Variants in LETM1 observed in about 807,000 individuals in gnomAD.
The protein encoded by LETM1 is mitochondrial proton/calcium exchanger protein.
Under a neutral mutation model 74.5 loss-of-function variants are expected in LETM1, and 50 were observed. The ratio of observed to expected loss-of-function variants is 0.67; its 90% CI spans 0.53 to 0.85. The LOEUF is 0.85. LETM1 is among the 40% of genes least tolerant of loss of function. LETM1 has a pLI of 0.00. For synonymous variants in LETM1, 446 were observed against 407.1 expected (o/e 1.10, Z -1.15); for missense variants, 824 against 967.8 (o/e 0.85, Z 1.97).
intron 7 of LETM1, among the ~76,000 whole-genome samples, 181 bp downstream of exon 7, chr4:1,825,383 G>A (rs892592493): frequency 6.6e-6 from 1 of 152,262 alleles, no homozygotes; most frequent in Non-Finnish European, 1.5e-5. Context: ...ATGCAGGGGT[G>A]TGAGTGCGGT....
chr4:1,854,912 T>G (rs1261899605), intron 1 of LETM1, among the ~76,000 whole-genome samples: 2 of 150,664 alleles, frequency 1.3e-5, no homozygotes, highest in Non-Finnish European at 3.0e-5. Flanking sequence ...GCTGGGTGCC[T>G]GGGCATGGTG....
rs894669104 is a variant in LETM1 at position 1,816,860 on chromosome 4, C to T, written c.1798G>A (p.Glu600Lys). The part of the protein sequence containing the change: ...LSKTGEEKYV[E>K]ESKASKRLTK... Reference sequence around the variant, plus strand: ...AATCTCTTGCTGGCTTTAGATTCTTCCACGTACTTTTCTTCACCAGTCTTT... The same window carrying T: ...AATCTCTTGCTGGCTTTAGATTCTTTCACGTACTTTTCTTCACCAGTCTTT... The change falls in exon 12 of 14, where the codon GAA becomes AAA. Residue 600 changes from glutamate to lysine, a missense_variant. By Grantham distance (56) the Glu-to-Lys change is moderately conservative. This residue lies in a region of LETM1 where 161 missense variants were observed against 252.7 expected (regional missense o/e 0.64). Coordinates refer to ENST00000302787, the MANE Select transcript of LETM1 (RefSeq NM_012318.3). 1 of 1,613,962 alleles carries T rather than the reference C, an allele frequency of 6.2e-7. No individual in the cohort carries two copies. The highest frequency in any genetic ancestry group is 8.5e-7 in the Non-Finnish European group (1 of 1,179,930).
In LETM1 at chr4:1,836,172, C is replaced by T. The variant is rs948938867; in HGVS notation, c.738+257G>A. 5.9e-5 allele frequency among the ~76,000 whole-genome samples: 9 copies of T among 152,046 alleles called. No homozygotes were observed. The highest frequency in any genetic ancestry group is 2.2e-4 in the African/African-American group (9 of 41,392). On this transcript the variant is annotated intron_variant, in intron 4 of 13. Transcript: ENST00000302787. The surrounding 1 kb of genome is among the most constrained non-coding windows in gnomAD (Gnocchi z 5.8). The stretch of plus-strand genomic sequence containing the variant: ...GAGGTTGTATGCAGTGAGACAAGAT[C>T]GCACTGCTGCACTCCAGCCTGGGTG...
At chr4:1,844,091 G>A (rs1455105338) in intron 2 of LETM1, among the ~76,000 whole-genome samples, 1 of 152,210 alleles carries the variant, frequency 6.6e-6, no homozygotes, top group African/African-American at 2.4e-5. Context: ...GTGTCGACAG[G>A]CAAAGACGAA....
At position 1,841,713 on chromosome 4, in the gene LETM1, C is replaced by T. The variant is rs759099377; in HGVS notation, c.228G>A (p.Arg76=). The change falls in exon 3 of 14, where the codon AGG becomes AGA. Residue 76 remains arginine (R), a synonymous_variant. Coordinates refer to ENST00000302787, the MANE Select transcript of LETM1 (RefSeq NM_012318.3). ...TCGACACTATGCGAAGGCACTCGGG[C>T]CTCAGAGCCCAACAGCCGAGGTGAT... The part of the protein sequence containing the change: ...RGDHLGCWAL[R]PECLRIVSRA... 9 of 1,614,076 alleles carry T rather than the reference C, an allele frequency of 5.6e-6. No individual in the cohort carries two copies. The highest frequency in any genetic ancestry group is 5.3e-5 in the African/African-American group (4 of 74,936).
Position 1,849,227 on chromosome 4 carries a change from G to T in LETM1, c.83-18C>A. The T allele has an allele frequency of 6.4e-7, 1 of 1,573,970 alleles. No homozygotes were observed. Among genetic ancestry groups the T allele is most frequent in the Non-Finnish European group, 8.7e-7 (1 of 1,143,678 alleles). On this transcript the variant is annotated intron_variant, in intron 1 of 13. Coordinates refer to ENST00000302787, the MANE Select transcript of LETM1 (RefSeq NM_012318.3). The stretch of plus-strand genomic sequence containing the variant: ...TGGACTACCTGTAACAGGAACAGGG[G>T]AAAATAAATGAGTAGTAAATCAGGG...
chr4:1,849,272 T>G (rs1712988781), intron 1 of LETM1, 63 bp from the exon 2 acceptor site: 3 of 1,261,592 alleles, frequency 2.4e-6, no homozygotes, highest in Non-Finnish European at 3.5e-6. Context: ...GATACCTTTT[T>G]TTGTTGTTGG....
At position 1,815,657 on chromosome 4, in the gene LETM1, G is replaced by T. The variant is rs1711548412; in HGVS notation, c.2070+7C>A. On this transcript the variant is annotated splice_region_variant and intron_variant, in intron 13 of 13. Transcript: ENST00000302787. ...GGATGGCCTGCGTGGTCCCCAGCGA[G>T]GCCCACCTTGACGAGGTCGTCGATG... 6.2e-7 allele frequency: 1 copy of T among 1,613,880 alleles called. No homozygotes were observed. The highest frequency in any genetic ancestry group is 1.3e-5 in the African/African-American group (1 of 74,928).
At position 1,841,668 on chromosome 4, in the gene LETM1, G is replaced by A. The variant is rs1464642166; in HGVS notation, c.273C>T (p.Thr91=). 1 of 1,614,134 alleles carries A rather than the reference G, an allele frequency of 6.2e-7. No individual in the cohort carries two copies. The highest frequency in any genetic ancestry group is 1.7e-5 in the Admixed American group (1 of 60,012). Residue 91 remains threonine (T), a synonymous_variant, in exon 3 of 14, where the codon ACC becomes ACT. Transcript: ENST00000302787. ...GTCCCACAGCCACAAAACCCACAGA[G>A]GTAGAGGTCCATGGCGCTCTCGACA... ...RIVSRAPWTS[T]SVGFVAVGPQ... is the part of the protein sequence containing the mutation.
At chr4:1,827,628 C>T (rs987671040) in intron 6 of LETM1, among the ~76,000 whole-genome samples, 1 of 133,218 alleles carries the variant, frequency 7.5e-6, no homozygotes, top group Non-Finnish European at 1.6e-5. Context: ...TCAACAGGAT[C>T]CCAAGGCAGA....
In LETM1 at chr4:1,823,078, G is replaced by A; in HGVS notation, c.1386C>T (p.Asn462=). The change falls in exon 9 of 14, where the codon AAC becomes AAT. Residue 462 remains asparagine (N), a synonymous_variant. Coordinates refer to ENST00000302787, the MANE Select transcript of LETM1 (RefSeq NM_012318.3). ...GCAGCGTGGCCTCCAGCTTGGCCTT[G>A]TTGTCCACCTGCTCGCCCTCCACCT... The part of the protein sequence containing the change: ...VAEVEGEQVD[N]KAKLEATLQE... The A allele has an allele frequency of 6.2e-7, 1 of 1,610,358 alleles. No individual in the cohort carries two copies.
chr4:1,823,335 CAT>C lies in LETM1; in HGVS notation c.1333-206_1333-205del, dbSNP rs534360447. On this transcript the variant is annotated intron_variant, in intron 8 of 13. Coordinates refer to ENST00000302787, the MANE Select transcript of LETM1 (RefSeq NM_012318.3). ...TCTGCGCTCGCCCGATGACTCCTGA[CAT>C]GTGGGAAGGAGCATAGGCGCTGCTG... Among the ~76,000 whole-genome samples the C allele has an allele frequency of 5.1e-3, 773 of 150,122 alleles. 3 individuals carry two copies. Among genetic ancestry groups the C allele is most frequent in the Non-Finnish European group, 9.0e-3 (611 of 67,774 alleles).
At position 1,816,732 on chromosome 4, in the gene LETM1, G is replaced by T. The variant is rs767723941; in HGVS notation, c.1926C>A (p.Pro642=). 1 of 1,613,914 alleles carries T rather than the reference G, an allele frequency of 6.2e-7. No individual in the cohort carries two copies. The highest frequency in any genetic ancestry group is 1.1e-5 in the South Asian group (1 of 91,080). ...GCGCCCACCACCCCACTCACCCCGTGGGCATGCCGTTGGCCGGGGCCAGCT... is the reference window on the plus strand; with the variant it reads ...GCGCCCACCACCCCACTCACCCCGTTGGCATGCCGTTGGCCGGGGCCAGCT... The part of the protein sequence containing the change: ...AGKLAPANGM[P]TGENVISVAE... Residue 642 remains proline (P), a synonymous_variant, in exon 12 of 14, where the codon CCC becomes CCA. Transcript: ENST00000302787.
At chr4:1,815,864 C>T in intron 12 of LETM1, 62 bp from the exon 13 acceptor site, 1 of 1,590,334 alleles carries the variant, frequency 6.3e-7, no homozygotes, top group South Asian at 1.1e-5. Context: ...GGCCTCACTG[C>T]CCACACCTGT....
At position 1,822,998 on chromosome 4, in the gene LETM1, G is replaced by C. The variant is rs151087596; in HGVS notation, c.1466C>G (p.Ser489Trp). 6.3e-7 allele frequency: 1 copy of C among 1,587,634 alleles called. No homozygotes were observed. ...AGGACCACCGCTTACCGCCACCTCC[G>C]AGCGCTTCTGCAGCTCCTTCTCACG... ...EHREKELQKR[S>W]EVAKDFEPER... Residue 489 changes from serine to tryptophan, a missense_variant, in exon 9 of 14, where the codon TCG (serine) becomes TGG (tryptophan). Around this residue, in one of 4 missense-constraint regions of LETM1, gnomAD observed 172 missense variants for 170.7 expected, o/e 1.01. Coordinates refer to ENST00000302787, the MANE Select transcript of LETM1 (RefSeq NM_012318.3).
Position 1,825,658 on chromosome 4 carries a change from C to T in LETM1, c.1106G>A (p.Ser369Asn). ...TGCCTGCAGCTCCTTGACATTCAGG[C>T]TGTCCACCCCTTCCTCAGCAATCAG... Reference protein sequence around the residue: ...DKLIAEEGVDSLNVKELQAAC... With the variant: ...DKLIAEEGVDNLNVKELQAAC... Residue 369 changes from serine (S) to asparagine (N), a missense_variant, in exon 7 of 14, where the codon AGC becomes AAC. Ser to Asn is a conservative substitution (Grantham distance 46, BLOSUM62 1). This residue lies in a region of LETM1 where 269 missense variants were observed against 348.8 expected (regional missense o/e 0.77). Coordinates refer to ENST00000302787, the MANE Select transcript of LETM1 (RefSeq NM_012318.3). 1 of 1,613,870 alleles carries T rather than the reference C, an allele frequency of 6.2e-7. No individual in the cohort carries two copies.
In LETM1 at chr4:1,815,717, C is replaced by T. The variant is rs1465382664; in HGVS notation, c.2017G>A (p.Ala673Thr). The T allele has an allele frequency of 5.0e-6, 8 of 1,614,128 alleles. No individual in the cohort carries two copies. The highest frequency in any genetic ancestry group is 2.2e-5 in the South Asian group (2 of 91,088). ...IPESKLTSLA[A>T]ALDENKDGKV... ...CCATCCTTGTTTTCATCCAGTGCTG[C>T]GGCCAGGCTGGTGAGCTTGCTTTCG... Residue 673 changes from alanine to threonine, a missense_variant, in exon 13 of 14, where the codon GCA becomes ACA. Physicochemically the swap from Ala to Thr is moderately conservative, Grantham distance 58. Coordinates refer to ENST00000302787, the MANE Select transcript of LETM1 (RefSeq NM_012318.3).
At chr4:1,827,220 T>A (rs186230654) in intron 6 of LETM1, among the ~76,000 whole-genome samples, 26 of 152,060 alleles carry the variant, frequency 1.7e-4, no homozygotes, top group Non-Finnish European at 2.2e-4. Flanking sequence ...GATACTGCCT[T>A]GGCTCCCCAT....
intron 13 of LETM1, 72 bp downstream of exon 13, chr4:1,815,592 G>C (rs529170358): frequency 6.4e-6 from 10 of 1,564,478 alleles, no homozygotes; most frequent in Non-Finnish European, 8.7e-6. Flanking sequence ...GACATGCAAT[G>C]AACAGTCCCC....
Sources: gnomAD v4.1 joint callset for allele counts (sites outside exome capture counted in the v4.1 genomes callset) on GRCh38, gnomAD v4.1.1 for gene constraint, gnomAD v4.1.1 regional missense constraint, Gnocchi (gnomAD v3.1) non-coding constraint, MANE v1.5 for transcripts, NCBI Gene and HGNC (gene_info 2026-07-23, HGNC 2026-07-21) for gene names.